The following NPEPPS variants were observed in gnomAD, a reference collection of about 807,000 sequenced individuals.
The protein encoded by NPEPPS is puromycin-sensitive aminopeptidase.
A neutral mutation model predicts 115.5 loss-of-function variants in NPEPPS; 14 were observed. The observed-to-expected ratio is 0.12, with a 90% CI of 0.08 to 0.19. The LOEUF (loss-of-function observed/expected upper bound fraction) is 0.19, where lower values mean the gene tolerates loss of function less well. Among genes scored for constraint, NPEPPS ranks in the 10% least tolerant of loss-of-function variants. The pLI is 1.00. For synonymous variants in NPEPPS, 285 were observed against 390.6 expected, an observed-to-expected ratio of 0.73 and a Z score of 3.19; for missense variants, 523 against 1,110.8, an observed-to-expected ratio of 0.47 and a Z score of 7.52.
rs554361851 is a variant in NPEPPS at position 47,568,150 on chromosome 17, C to T, written c.341-1267C>T. ...TATGCTCCAGTTTCTCTACATCCTA[C>T]CTTATACTTTTTTTTTTTTTTTTCT... On this transcript the variant is annotated intron_variant, in intron 2 of 22. Transcript: ENST00000322157. 3.8e-3 allele frequency among the ~76,000 whole-genome samples: 581 copies of T among 151,866 alleles called. 5 individuals are homozygous for T. The highest frequency in any genetic ancestry group is 0.027 in the Middle Eastern group (8 of 294).
intron 17 of NPEPPS, among the ~76,000 whole-genome samples, chr17:47,610,752 G>A (rs929009142): frequency 6.7e-6 from 1 of 148,882 alleles, no homozygotes; most frequent in Non-Finnish European, 1.5e-5. Context: ...TATGAATTCT[G>A]TTATGCACAT....
At chr17:47,552,759 G>T (rs1407694745) in intron 2 of NPEPPS, among the ~76,000 whole-genome samples, 1 of 152,098 alleles carries the variant, frequency 6.6e-6, no homozygotes, top group Non-Finnish European at 1.5e-5. Flanking sequence ...CAGGTTAGGT[G>T]CCTAACCAAG....
Position 47,599,544 on chromosome 17 carries a change from A to G in NPEPPS, c.1537-132A>G, listed in dbSNP as rs1055570286. On this transcript the variant is annotated intron_variant, in intron 13 of 22. Coordinates refer to ENST00000322157, the MANE Select transcript of NPEPPS (RefSeq NM_006310.4). Reference sequence around the variant, plus strand: ...CGTCTTCATCACAATTGCATTTTGTATACTCATGAGACATTTGGTTGTGCT... The same window carrying G: ...CGTCTTCATCACAATTGCATTTTGTGTACTCATGAGACATTTGGTTGTGCT... 7.5e-6 allele frequency: 5 copies of G among 669,966 alleles called. No homozygotes were observed. The South Asian group carries it at 9.8e-5, about 13-fold the overall frequency. 41.5% of individuals were successfully genotyped at this position (669,966 alleles called of 1,614,324 possible).
intron 19 of NPEPPS, among the ~76,000 whole-genome samples, chr17:47,616,876 A>C (rs1387531015): frequency 6.6e-6 from 1 of 151,734 alleles, no homozygotes; most frequent in African/African-American, 2.4e-5. Flanking sequence ...AAAAAAAAAA[A>C]AGTGTCGAAA....
intron 12 of NPEPPS, chr17:47,592,757 T>G: frequency 2.1e-6 from 1 of 469,878 alleles, no homozygotes; most frequent in South Asian, 2.6e-5. Context: ...CTTTCCTTTC[T>G]TTCTTTTTTT....
At chr17:47,538,199 G>GTTTTTTT (rs1292705804) in intron 1 of NPEPPS, among the ~76,000 whole-genome samples, 2 of 72,344 alleles carry the variant, frequency 2.8e-5, no homozygotes, top group African/African-American at 4.7e-5. Flanking sequence ...AGCCATATCT[G>GTTTTTTT]TTCTTTTTTT....
rs565402580 is a variant in NPEPPS at position 47,539,622 on chromosome 17, C to T, written c.256-6287C>T. ...AGTAACTTCTTTCTTCAGGTAGGTG[C>T]GTATTATTCCTTTTTATTCCTATGT... On this transcript the variant is annotated intron_variant, in intron 1 of 22. Transcript: ENST00000322157. Among the ~76,000 whole-genome samples the T allele has an allele frequency of 3.9e-4, 60 of 152,192 alleles. 2 individuals carry two copies. In the East Asian group the frequency reaches 0.011, roughly 28 times the overall value.
chr17:47,601,289 TTTTAC>T (rs1244272996), intron 14 of NPEPPS, among the ~76,000 whole-genome samples: 1 of 152,114 alleles, frequency 6.6e-6, no homozygotes, highest in Non-Finnish European at 1.5e-5. Flanking sequence ...GTTGTTGTTT[TTTTAC>T]TTTAACAGTA....
intron 19 of NPEPPS, among the ~76,000 whole-genome samples, chr17:47,617,511 A>ATT (rs35481232): frequency 0.38 from 57,655 of 151,340 alleles, 11,695 homozygotes; most frequent in South Asian, 0.51. Context: ...ATATATATAT[A>ATT]TTTTTTAGGA....
chr17:47,611,600 G>A (rs1223490035), intron 17 of NPEPPS, among the ~76,000 whole-genome samples: 1 of 151,810 alleles, frequency 6.6e-6, no homozygotes, highest in African/African-American at 2.4e-5. Flanking sequence ...AGCCTCCTGT[G>A]TAACTGGGCC....
At chr17:47,543,917 C>G in intron 1 of NPEPPS, among the ~76,000 whole-genome samples, 1 of 105,802 alleles carries the variant, frequency 9.5e-6, no homozygotes, top group South Asian at 3.3e-4. Flanking sequence ...ATTTTTGAGA[C>G]AGAGTCTTGC....
chr17:47,605,387 G>A lies in NPEPPS; in HGVS notation c.1930G>A (p.Val644Met). ...VEVLKVMEAF[V>M]NEPNYTVWSD... ...GGTTCTAAAAGTCATGGAGGCTTTTGTGAATGAGCCCAATTATACTGTATG... is the reference window on the plus strand; with the variant it reads ...GGTTCTAAAAGTCATGGAGGCTTTTATGAATGAGCCCAATTATACTGTATG... The change falls in exon 17 of 23, where the codon GTG becomes ATG. Residue 644 changes from valine to methionine, a missense_variant. Val to Met is a conservative substitution (Grantham distance 21, BLOSUM62 1). Coordinates refer to ENST00000322157, the MANE Select transcript of NPEPPS (RefSeq NM_006310.4). 6.2e-7 allele frequency: 1 copy of A among 1,611,870 alleles called. No individual in the cohort carries two copies. The highest frequency in any genetic ancestry group is 8.5e-7 in the Non-Finnish European group (1 of 1,179,006).
At chr17:47,574,520 C>T (rs913438648) in intron 3 of NPEPPS, among the ~76,000 whole-genome samples, 4 of 152,120 alleles carry the variant, frequency 2.6e-5, no homozygotes, top group African/African-American at 7.2e-5. Context: ...CACACACACA[C>T]GACATAATCT....
intron 2 of NPEPPS, among the ~76,000 whole-genome samples, chr17:47,558,958 C>T (rs897244106): frequency 3.3e-5 from 5 of 151,784 alleles, no homozygotes; most frequent in Non-Finnish European, 5.9e-5. Flanking sequence ...TGCTTGAACC[C>T]GGGAGGCGGA....
intron 21 of NPEPPS, 51 bp downstream of exon 21, chr17:47,619,215 C>T (rs1159596282): frequency 2.0e-6 from 3 of 1,475,350 alleles, no homozygotes; most frequent in African/African-American, 1.4e-5. Context: ...TATTTAGTGA[C>T]ATCCATGATT....
intron 2 of NPEPPS, among the ~76,000 whole-genome samples, chr17:47,548,590 C>CTTTTTT (rs538733982): frequency 4.8e-5 from 5 of 104,724 alleles, no homozygotes; most frequent in Non-Finnish European, 5.8e-5. Flanking sequence ...CTGAAAAGTT[C>CTTTTTT]TTTTTTTTTT....
chr17:47,579,680 A>C, intron 4 of NPEPPS, 169 bp downstream of exon 4: 1 of 508,882 alleles, frequency 2.0e-6, no homozygotes, highest in Admixed American at 3.4e-5. Context: ...TATAGAAAGG[A>C]GGGAATTAAG....
rs766511851 is a variant in NPEPPS, at chr17:47,619,150, T to C, written c.2545T>C (p.Ser849Pro). The change falls in exon 21 of 23, where the codon TCC (serine) becomes CCC (proline). Residue 849 changes from serine to proline, a missense_variant. Physicochemically the swap from Ser to Pro is moderately conservative, Grantham distance 74. Transcript: ENST00000322157. ...CCGATACCAGGGAGGATTCTTAATA[T>C]CCAGACTAATAAAGGTATGTGAAAA... ...YNRYQGGFLI[S>P]RLIKLSVEGF... 6.2e-7 allele frequency: 1 copy of C among 1,613,178 alleles called. No homozygotes were observed. Among genetic ancestry groups the C allele is most frequent in the Non-Finnish European group, 8.5e-7 (1 of 1,179,470 alleles).
At chr17:47,564,315 C>G (rs1185406213) in intron 2 of NPEPPS, among the ~76,000 whole-genome samples, 1 of 152,064 alleles carries the variant, frequency 6.6e-6, no homozygotes. Flanking sequence ...ATTGCCAGTG[C>G]TTGAGCCCAG....
Sources: gnomAD v4.1 joint callset for allele counts (sites outside exome capture counted in the v4.1 genomes callset) on GRCh38, gnomAD v4.1.1 for gene constraint, MANE v1.5 for transcripts, NCBI Gene and HGNC (gene_info 2026-07-23, HGNC 2026-07-21) for gene names.